Variants in PLCG1 observed in about 807,000 individuals in gnomAD.
PLCG1 encodes the protein 1-phosphatidylinositol 4,5-bisphosphate phosphodiesterase gamma-1.
Under a neutral mutation model 177.8 loss-of-function variants are expected in PLCG1, and 71 were observed. The ratio of observed to expected loss-of-function variants is 0.40; its 90% CI spans 0.33 to 0.49. The LOEUF (loss-of-function observed/expected upper bound fraction) is 0.49. PLCG1 is among the 20% of genes least tolerant of loss of function. PLCG1 has a pLI of 0.72. For synonymous variants in PLCG1, 658 were observed against 647.9 expected (o/e 1.02, Z -0.24); for missense variants, 1,281 against 1,709.0 (o/e 0.75, Z 4.42).
At position 41,172,212 on chromosome 20, in the gene PLCG1, T is replaced by C; in HGVS notation, c.2828T>C (p.Met943Thr). Residue 943 changes from methionine to threonine, a missense_variant, in exon 25 of 32, where the codon ATG (methionine) becomes ACG (threonine). This residue lies in a region of PLCG1 where 723 missense variants were observed against 1,030.0 expected (regional missense o/e 0.70). Coordinates refer to ENST00000685551, the MANE Select transcript of PLCG1 (RefSeq NM_002660.3). The surrounding 1 kb of genome is among the most constrained non-coding windows in gnomAD (Gnocchi z 7.0). ...CACCAGCTCACTGAAGGGAAGATAATGGAACGGAGGAAGAAGATTGCCCTG... is the reference window on the plus strand; with the variant it reads ...CACCAGCTCACTGAAGGGAAGATAACGGAACGGAGGAAGAAGATTGCCCTG... ...ADARLTEGKI[M>T]ERRKKIALEL... 6.2e-7 allele frequency: 1 copy of C among 1,613,762 alleles called. No individual in the cohort carries two copies. The highest frequency in any genetic ancestry group is 8.5e-7 in the Non-Finnish European group (1 of 1,179,666).
At chr20:41,158,328 G>A (rs1017363308) in intron 1 of PLCG1, among the ~76,000 whole-genome samples, 1 of 152,190 alleles carries the variant, frequency 6.6e-6, no homozygotes, top group African/African-American at 2.4e-5. Context: ...AAGTTACCAG[G>A]CCAGTCTGGG....
In PLCG1 at chr20:41,173,639, G is replaced by T; in HGVS notation, c.3395-13G>T. The T allele has an allele frequency of 6.2e-7, 1 of 1,614,146 alleles. No individual in the cohort carries two copies. Among genetic ancestry groups the T allele is most frequent in the Non-Finnish European group, 8.5e-7 (1 of 1,180,022 alleles). On this transcript the variant is annotated splice_polypyrimidine_tract_variant and intron_variant, in intron 28 of 31. Transcript: ENST00000685551. The surrounding 1 kb of genome is among the most constrained non-coding windows in gnomAD (Gnocchi z 6.2). ...CCACGGTGACCTGAAGCCTTTTGTC[G>T]TTGCCTTCACAGTGGACAATGGACT...
intron 1 of PLCG1, among the ~76,000 whole-genome samples, chr20:41,143,825 A>G (rs917344856): frequency 6.6e-6 from 1 of 152,126 alleles, no homozygotes; most frequent in Non-Finnish European, 1.5e-5. Context: ...AATAAGGGAG[A>G]TTATATATAA....
intron 1 of PLCG1, among the ~76,000 whole-genome samples, chr20:41,152,426 C>T (rs947505042): frequency 5.3e-5 from 8 of 152,248 alleles, no homozygotes; most frequent in Non-Finnish European, 1.0e-4. Context: ...ACATTCCCCC[C>T]AACTATGCCT....
chr20:41,154,727 T>C (rs1370738011), intron 1 of PLCG1, among the ~76,000 whole-genome samples: 1 of 152,126 alleles, frequency 6.6e-6, no homozygotes, highest in Non-Finnish European at 1.5e-5. Flanking sequence ...TTTCCCAGGT[T>C]CCAGACTGGC....
In PLCG1 at chr20:41,159,853, T is replaced by C; in HGVS notation, c.371-17T>C. 1.9e-6 allele frequency: 3 copies of C among 1,613,752 alleles called. No homozygotes were observed. The South Asian group carries it at 3.3e-5, about 18-fold the overall frequency. On this transcript the variant is annotated splice_polypyrimidine_tract_variant and intron_variant, in intron 2 of 31. Coordinates refer to ENST00000685551, the MANE Select transcript of PLCG1 (RefSeq NM_002660.3). The surrounding 1 kb of genome is among the most constrained non-coding windows in gnomAD (Gnocchi z 6.0). ...AGGTATGTGCCCTCGGGGCAGCTAT[T>C]GATACCTTGCTCACAGCCACATCTG... is the stretch of plus-strand genomic sequence containing the variant.
chr20:41,155,921 AG>A (rs1266896817), intron 1 of PLCG1, among the ~76,000 whole-genome samples: 3 of 152,202 alleles, frequency 2.0e-5, no homozygotes, highest in African/African-American at 7.2e-5. Flanking sequence ...CTAGAATTTA[AG>A]AGCTGTGTGG....
intron 20 of PLCG1, among the ~76,000 whole-genome samples, chr20:41,168,267 T>C (rs967806077): frequency 2.6e-5 from 4 of 152,146 alleles, no homozygotes; most frequent in Non-Finnish European, 5.9e-5. Flanking sequence ...CACAGGTTCT[T>C]TTTTGTTTTG....
At chr20:41,149,926 A>T (rs1197381794) in intron 1 of PLCG1, among the ~76,000 whole-genome samples, 1 of 152,188 alleles carries the variant, frequency 6.6e-6, no homozygotes, top group Non-Finnish European at 1.5e-5. Context: ...AGGCACGGTG[A>T]TTCATGCCTG....
Position 41,165,457 on chromosome 20 carries a change from A to G in PLCG1, c.1517A>G (p.Tyr506Cys), listed in dbSNP as rs774240761. ...CTCTTTGGTCTGTTCCAGGAATGGT[A>G]TCCCCACTACTTTGTTCTGACCAGC... ...YLEDPVNHEW[Y>C]PHYFVLTSSK... Residue 506 changes from tyrosine (Y) to cysteine (C), a missense_variant, in exon 15 of 32, where the codon TAT becomes TGT. By Grantham distance (194) the Tyr-to-Cys change is radical. Transcript: ENST00000685551. This position sits in a 1 kb window ranked among gnomAD's most constrained non-coding sequence, Gnocchi z 6.6. The G allele has an allele frequency of 3.7e-6, 6 of 1,613,920 alleles. No individual in the cohort carries two copies. Among genetic ancestry groups the G allele is most frequent in the Middle Eastern group, 1.6e-4 (1 of 6,084 alleles).
At position 41,160,226 on chromosome 20, in the gene PLCG1, T is replaced by A; in HGVS notation, c.512+73T>A. ...CCAGAACCTTAGCCAGGCCTCTAAG[T>A]AGCTGCCCGGAGAGCCAGAGGACCC... is the stretch of plus-strand genomic sequence containing the variant. On this transcript the variant is annotated intron_variant, in intron 4 of 31. Coordinates refer to ENST00000685551, the MANE Select transcript of PLCG1 (RefSeq NM_002660.3). The surrounding 1 kb of genome is among the most constrained non-coding windows in gnomAD (Gnocchi z 5.5). 1.4e-6 allele frequency: 2 copies of A among 1,397,106 alleles called. No homozygotes were observed. Among genetic ancestry groups the A allele is most frequent in the Non-Finnish European group, 2.0e-6 (2 of 986,500 alleles). 86.5% of individuals were successfully genotyped at this position (1,397,106 alleles called of 1,614,324 possible).
intron 1 of PLCG1, among the ~76,000 whole-genome samples, chr20:41,138,157 GC>G (rs1319246251): frequency 6.6e-6 from 1 of 152,158 alleles, no homozygotes; most frequent in Non-Finnish European, 1.5e-5. Context: ...CAGGCATCGG[GC>G]CCCCCAGACC....
At chr20:41,140,364 C>G (rs1379309754) in intron 1 of PLCG1, among the ~76,000 whole-genome samples, 1 of 152,194 alleles carries the variant, frequency 6.6e-6, no homozygotes, top group African/African-American at 2.4e-5. Flanking sequence ...ATCCCTGCGG[C>G]CTCTGAGGAG....
chr20:41,163,868 T>C lies in PLCG1; in HGVS notation c.1010+35T>C, dbSNP rs35166937. On this transcript the variant is annotated intron_variant, in intron 10 of 31. Coordinates refer to ENST00000685551, the MANE Select transcript of PLCG1 (RefSeq NM_002660.3). This position sits in a 1 kb window ranked among gnomAD's most constrained non-coding sequence, Gnocchi z 5.2. Reference sequence around the variant, plus strand: ...GCTCCTTCAGGCCCACCCAGCTTCTTCCCCAGGAGGGCCCATCTGACCATA... The same window carrying C: ...GCTCCTTCAGGCCCACCCAGCTTCTCCCCCAGGAGGGCCCATCTGACCATA... The C allele has an allele frequency of 6.2e-7, 1 of 1,608,836 alleles. No homozygotes were observed. The highest frequency in any genetic ancestry group is 1.3e-5 in the African/African-American group (1 of 74,938).
intron 1 of PLCG1, among the ~76,000 whole-genome samples, chr20:41,149,071 C>T (rs2035084764): frequency 6.6e-6 from 1 of 152,206 alleles, no homozygotes; most frequent in Non-Finnish European, 1.5e-5. Context: ...TATGCAATGT[C>T]TATGCAAAGT....
chr20:41,168,577 T>C (rs35440550), intron 20 of PLCG1, among the ~76,000 whole-genome samples, 190 bp from the exon 21 acceptor site: 155 of 152,356 alleles, frequency 1.0e-3, no homozygotes, highest in African/African-American at 3.6e-3. Context: ...TCTGATCATA[T>C]CTGTCCTGGA....
In PLCG1 at chr20:41,163,091, C is replaced by A. The variant is rs2035566124; in HGVS notation, c.716+99C>A. 2.0e-6 allele frequency: 3 copies of A among 1,492,636 alleles called. No individual in the cohort carries two copies. In the Admixed American group the frequency reaches 5.1e-5, roughly 25 times the overall value. The allele number at this position is 1,492,636 out of a possible 1,614,324, so 92.5% of individuals were successfully genotyped here. ...GGTGGGAGGCAGTGGGAGTAGGGAA[C>A]CATGCTGGACCATTCTGGGAAGCTG... On this transcript the variant is annotated intron_variant, in intron 7 of 31. Coordinates refer to ENST00000685551, the MANE Select transcript of PLCG1 (RefSeq NM_002660.3). The surrounding 1 kb of genome is among the most constrained non-coding windows in gnomAD (Gnocchi z 5.2).
rs535930903 is a variant in PLCG1 at position 41,169,173 on chromosome 20, G to A, written c.2578G>A (p.Glu860Lys). The A allele has an allele frequency of 2.6e-5, 41 of 1,606,078 alleles. No individual in the cohort carries two copies. The highest frequency in any genetic ancestry group is 6.7e-5 in the Admixed American group (4 of 60,000). Residue 860 changes from glutamate (E) to lysine (K), a missense_variant and splice_region_variant, in exon 22 of 32, where the codon GAG (glutamate) becomes AAG (lysine). Transcript: ENST00000685551. Reference protein sequence around the residue: ...VNPVALEPEREHLDENSPLGD... With the variant: ...VNPVALEPERKHLDENSPLGD... The stretch of plus-strand genomic sequence containing the variant: ...CCCCGTGGCCCTGGAGCCGGAGAGG[G>A]AGGTAAGACCAGAACCACCTGAGTA...
chr20:41,168,281 T>C (rs2035770248), intron 20 of PLCG1, among the ~76,000 whole-genome samples: 2 of 152,136 alleles, frequency 1.3e-5, no homozygotes, highest in South Asian at 4.1e-4. Context: ...TGTTTTGCCT[T>C]TTTCTCTAAA....
Sources: gnomAD v4.1 joint callset for allele counts (sites outside exome capture counted in the v4.1 genomes callset) on GRCh38, gnomAD v4.1.1 for gene constraint, gnomAD v4.1.1 regional missense constraint, Gnocchi (gnomAD v3.1) non-coding constraint, MANE v1.5 for transcripts, NCBI Gene and HGNC (gene_info 2026-07-23, HGNC 2026-07-21) for gene names.